Variants in SLC30A7 observed in about 807,000 individuals in gnomAD.
SLC30A7 encodes zinc transporter 7.
A neutral mutation model predicts 46.0 loss-of-function variants in SLC30A7; 35 were observed. That is an observed-to-expected ratio of 0.76 (90% CI 0.58 to 1.01). The LOEUF (loss-of-function observed/expected upper bound fraction) is 1.01. Ranked by LOEUF, SLC30A7 falls within the 50% of genes least tolerant of loss-of-function variation. The probability of loss-of-function intolerance (pLI) is 0.00; values close to 1 mark genes in which losing one functional copy is unlikely to be tolerated. For missense variants in SLC30A7, 464 were observed against 451.1 expected (o/e 1.03, Z -0.26); for synonymous variants, 147 against 157.8 (o/e 0.93, Z 0.51).
In SLC30A7 at chr1:100,901,703, G is replaced by A. The variant is rs1237178892; in HGVS notation, c.182+5032G>A. On this transcript the variant is annotated intron_variant, in intron 2 of 10. Coordinates refer to ENST00000357650, the MANE Select transcript of SLC30A7 (RefSeq NM_133496.5). ...AGGTGATCCACCCACCTCAGCCTCC[G>A]GAAGTGCTGGGATTATAGGCACGAG... Among the ~76,000 whole-genome samples the A allele has an allele frequency of 2.0e-5, 3 of 152,086 alleles. No individual in the cohort carries two copies. The South Asian group carries it at 6.2e-4, about 32-fold the overall frequency.
intron 8 of SLC30A7, among the ~76,000 whole-genome samples, chr1:100,924,310 TC>T (rs1261605732): frequency 6.6e-6 from 1 of 152,158 alleles, no homozygotes; most frequent in Non-Finnish European, 1.5e-5. Flanking sequence ...TAGTTTTAGT[TC>T]CCTGAGTATG....
At chr1:100,932,628 ATT>A (rs1457318796) in intron 8 of SLC30A7, among the ~76,000 whole-genome samples, 1 of 152,156 alleles carries the variant, frequency 6.6e-6, no homozygotes, top group Non-Finnish European at 1.5e-5. Context: ...ATGCCTTATC[ATT>A]GTTTGATATG....
Position 100,980,898 on chromosome 1 carries a change from C to G in SLC30A7, c.*6041C>G, listed in dbSNP as rs925893799. On this transcript the variant is annotated 3_prime_UTR_variant, in exon 11 of 11. Coordinates refer to ENST00000357650, the MANE Select transcript of SLC30A7 (RefSeq NM_133496.5). ...GCCATATTCACATATTTCATTTATC[C>G]TAATGTATTGTCATCCAAAATGAAA... 6.6e-6 allele frequency: 1 copy of G among 152,134 alleles called. No homozygotes were observed. Among genetic ancestry groups the G allele is most frequent in the Non-Finnish European group, 1.5e-5 (1 of 67,928 alleles). The allele number at this position is 152,134 out of a possible 1,614,324, so 9.4% of individuals were successfully genotyped here. A position where few individuals can be genotyped will look rare whatever the true frequency, so the allele number is the denominator to read the frequency against.
At chr1:100,911,353 T>G (rs1652081916) in intron 4 of SLC30A7, among the ~76,000 whole-genome samples, 1 of 152,168 alleles carries the variant, frequency 6.6e-6, no homozygotes, top group Non-Finnish European at 1.5e-5. Flanking sequence ...AACAATTAAA[T>G]GATAGTGCTT....
chr1:100,944,334 C>T (rs541230905), intron 8 of SLC30A7, among the ~76,000 whole-genome samples: 1 of 152,226 alleles, frequency 6.6e-6, no homozygotes, highest in South Asian at 2.1e-4. Context: ...GACACCATAC[C>T]CAGACAGAAT....
At chr1:100,942,866 G>A (rs1002585732) in intron 8 of SLC30A7, among the ~76,000 whole-genome samples, 4 of 152,200 alleles carry the variant, frequency 2.6e-5, no homozygotes, top group African/African-American at 4.8e-5. Context: ...AGTGAAGAGA[G>A]AATGGGGCTG....
chr1:100,913,707 G>A lies in SLC30A7; in HGVS notation c.556G>A (p.Ala186Thr), dbSNP rs141366201. ...HSLFNGALDQ[A>T]HGHVDHCHSH... ...CCTCTTTAATGGTGCTCTAGATCAGGCACATGGCCATGTCGATCATTGCCA... is the reference window on the plus strand; with the variant it reads ...CCTCTTTAATGGTGCTCTAGATCAGACACATGGCCATGTCGATCATTGCCA... Residue 186 changes from alanine to threonine, a missense_variant, in exon 6 of 11, where the codon GCA becomes ACA. Ala to Thr is a moderately conservative substitution (Grantham distance 58, BLOSUM62 0). Coordinates refer to ENST00000357650, the MANE Select transcript of SLC30A7 (RefSeq NM_133496.5). 354 of 1,613,846 alleles carry A rather than the reference G, an allele frequency of 2.2e-4. 3 individuals are homozygous for A. In the Middle Eastern group the frequency reaches 3.3e-3, roughly 15 times the overall value.
intron 10 of SLC30A7, chr1:100,972,410 CA>C (rs1443367092): frequency 5.6e-6 from 1 of 178,064 alleles, no homozygotes; most frequent in Non-Finnish European, 1.3e-5. Context: ...TGTAAGCCCT[CA>C]GGGGAAGGAT....
chr1:100,920,109 C>G (rs1162496827), intron 7 of SLC30A7, among the ~76,000 whole-genome samples: 3 of 151,920 alleles, frequency 2.0e-5, no homozygotes, highest in African/African-American at 7.2e-5. Context: ...TAAATGGTAG[C>G]CAGGGACTTT....
intron 8 of SLC30A7, among the ~76,000 whole-genome samples, chr1:100,931,799 A>C (rs939117342): frequency 1.6e-4 from 24 of 152,348 alleles, no homozygotes; most frequent in Non-Finnish European, 3.2e-4. Flanking sequence ...AGAGTTATTC[A>C]GGAATTCATT....
chr1:100,934,706 G>T (rs1030163166), intron 8 of SLC30A7, among the ~76,000 whole-genome samples: 2 of 150,470 alleles, frequency 1.3e-5, no homozygotes, highest in African/African-American at 4.9e-5. Flanking sequence ...ATGTATGTAG[G>T]AATGCTTGTG....
At chr1:100,959,359 C>T (rs866386096) in intron 8 of SLC30A7, among the ~76,000 whole-genome samples, 1 of 152,132 alleles carries the variant, frequency 6.6e-6, no homozygotes, top group Non-Finnish European at 1.5e-5. Context: ...TAAAATAATA[C>T]ACATTATTAT....
chr1:100,987,762 A>G, the SLC30A7 span, among the ~76,000 whole-genome samples: 1 of 149,406 alleles, frequency 6.7e-6, no homozygotes. Context: ...CATTGTTTAT[A>G]TGTTATACAG....
chr1:100,951,167 A>G (rs558571152), intron 8 of SLC30A7, among the ~76,000 whole-genome samples: 26 of 152,278 alleles, frequency 1.7e-4, no homozygotes, highest in Admixed American at 1.6e-3. Context: ...GGGTTAGAGA[A>G]AGATGTTAGG....
chr1:100,918,277 C>G lies in SLC30A7; in HGVS notation c.706+150C>G, dbSNP rs1243538735. 5.9e-5 allele frequency: 34 copies of G among 576,072 alleles called. No individual in the cohort carries two copies. The East Asian group carries it at 9.9e-4, about 17-fold the overall frequency. The allele number at this position is 576,072 out of a possible 1,614,324, so 35.7% of individuals were successfully genotyped here. A position where few individuals can be genotyped will look rare whatever the true frequency, so the allele number is the denominator to read the frequency against. On this transcript the variant is annotated intron_variant, in intron 7 of 10. Transcript: ENST00000357650. ...CTTTCTAGTGATTGTTTTTTATATA[C>G]TATTAGATATATTAGCAGACATTCT...
At position 100,930,033 on chromosome 1, in the gene SLC30A7, AT is replaced by A. The variant is rs577130547; in HGVS notation, c.842+8201del. ...GCAATTTACATAGATCTGTAGCTTG[AT>A]TTTTTTTTATTCACTTAAATGAAAG... On this transcript the variant is annotated intron_variant, in intron 8 of 10. Coordinates refer to ENST00000357650, the MANE Select transcript of SLC30A7 (RefSeq NM_133496.5). Among the ~76,000 whole-genome samples the A allele has an allele frequency of 8.7e-3, 1,318 of 151,416 alleles. 14 individuals carry two copies. Among genetic ancestry groups the A allele is most frequent in the African/African-American group, 0.03 (1,253 of 41,390 alleles).
In SLC30A7 at chr1:100,959,947, A is replaced by G. The variant is rs186903081; in HGVS notation, c.843-1881A>G. 2.5e-3 allele frequency among the ~76,000 whole-genome samples: 375 copies of G among 152,352 alleles called. 5 individuals carry two copies. Among genetic ancestry groups the G allele is most frequent in the East Asian group, 3.5e-3 (18 of 5,192 alleles). ...TACGGATATTATTGTGGACATGCATAGTACAATGAAGGGGAAGGAACTGAG... is the reference window on the plus strand; with the variant it reads ...TACGGATATTATTGTGGACATGCATGGTACAATGAAGGGGAAGGAACTGAG... On this transcript the variant is annotated intron_variant, in intron 8 of 10. Transcript: ENST00000357650.
intron 10 of SLC30A7, among the ~76,000 whole-genome samples, chr1:100,968,363 A>G (rs568161414): frequency 2.4e-4 from 37 of 152,074 alleles, no homozygotes; most frequent in African/African-American, 7.7e-4. Context: ...CGGGAGGTTG[A>G]GGCAGGAGAA....
In SLC30A7 at chr1:100,951,112, T is replaced by A. The variant is rs576342220; in HGVS notation, c.843-10716T>A. ...ACAGCTGCTGAAAAGTGAGGGAGTG[T>A]GAATCAGATTTTTTCCACTTGGCAG... On this transcript the variant is annotated intron_variant, in intron 8 of 10. Coordinates refer to ENST00000357650, the MANE Select transcript of SLC30A7 (RefSeq NM_133496.5). 5.8e-4 allele frequency among the ~76,000 whole-genome samples: 89 copies of A among 152,182 alleles called. 2 individuals are homozygous for A. Among genetic ancestry groups the A allele is most frequent in the African/African-American group, 2.1e-3 (88 of 41,516 alleles).
Sources: gnomAD v4.1 joint callset for allele counts (sites outside exome capture counted in the v4.1 genomes callset) on GRCh38, gnomAD v4.1.1 for gene constraint, MANE v1.5 for transcripts, NCBI Gene and HGNC (gene_info 2026-07-23, HGNC 2026-07-21) for gene names.